The following TRRAP variants were observed in gnomAD, a reference collection of about 807,000 sequenced individuals.
TRRAP encodes transformation/transcription domain associated protein.
Under a neutral mutation model 438.8 loss-of-function variants are expected in TRRAP, and 41 were observed. The ratio of observed to expected loss-of-function variants is 0.09; its 90% CI spans 0.07 to 0.12. The LOEUF (loss-of-function observed/expected upper bound fraction) is 0.12, where lower values mean the gene tolerates loss of function less well. Ranked by LOEUF, TRRAP falls within the 10% of genes least tolerant of loss-of-function variation. The probability of loss-of-function intolerance (pLI) is 1.00; values close to 1 mark genes in which losing one functional copy is unlikely to be tolerated. For synonymous variants in TRRAP, 1,994 were observed against 1,962.9 expected, an observed-to-expected ratio of 1.02 and a Z score of -0.42; for missense variants, 3,122 against 5,055.1, an observed-to-expected ratio of 0.62 and a Z score of 11.60.
chr7:98,998,628 G>A, intron 67 of TRRAP: 1 of 158,360 alleles, frequency 6.3e-6, no homozygotes. Context: ...CGAAATGTTT[G>A]TAAGGGGTTG....
In TRRAP at chr7:98,910,329, C is replaced by T; in HGVS notation, c.1624C>T (p.Gln542Ter). The T allele has an allele frequency of 6.2e-7, 1 of 1,610,600 alleles. No individual in the cohort carries two copies. The highest frequency in any genetic ancestry group is 8.5e-7 in the Non-Finnish European group (1 of 1,179,874). Residue 542 changes from glutamine to a stop codon, truncating the protein, a stop_gained, in exon 15 of 73, where the codon CAA becomes TAA. Coordinates refer to ENST00000456197, the MANE Select transcript of TRRAP (RefSeq NM_001375524.1). LOFTEE classifies it high-confidence loss of function. ...GGACAAGGAAGACAAGCAGACATTC[C>T]AAGTCACAGACTGTCGAAGTTTGGT... Reference protein sequence around the residue: ...EKDKEDKQTFQVTDCRSLVKT... With the variant: ...EKDKEDKQTF
intron 67 of TRRAP, among the ~76,000 whole-genome samples, chr7:99,001,387 G>A (rs969141206): frequency 3.9e-5 from 6 of 152,194 alleles, no homozygotes; most frequent in African/African-American, 7.2e-5. Context: ...TTCTGAGAAC[G>A]GAAGAGTCCG....
intron 53 of TRRAP, among the ~76,000 whole-genome samples, chr7:98,975,634 T>G (rs1461021283): frequency 6.6e-6 from 1 of 152,268 alleles, no homozygotes; most frequent in Non-Finnish European, 1.5e-5. Flanking sequence ...CTGTTCTGTT[T>G]CAGTCCGTCT....
chr7:98,946,898 T>C (rs1397507721), intron 33 of TRRAP, among the ~76,000 whole-genome samples: 2 of 152,242 alleles, frequency 1.3e-5, no homozygotes, highest in Non-Finnish European at 2.9e-5. Context: ...AATTTCAGGA[T>C]AGAACTTACT....
chr7:98,985,433 C>G (rs1182139823), intron 62 of TRRAP, among the ~76,000 whole-genome samples: 1 of 152,236 alleles, frequency 6.6e-6, no homozygotes, highest in Non-Finnish European at 1.5e-5. Flanking sequence ...CTGTTTTTGT[C>G]AGTGAAGTGA....
chr7:98,973,487 C>T (rs1372458519), intron 53 of TRRAP, among the ~76,000 whole-genome samples: 4 of 152,174 alleles, frequency 2.6e-5, no homozygotes, highest in African/African-American at 4.8e-5. Flanking sequence ...TTTTACTCAA[C>T]AATATTTTTG....
chr7:98,968,916 C>G (rs989399552), intron 51 of TRRAP, among the ~76,000 whole-genome samples: 5 of 152,196 alleles, frequency 3.3e-5, no homozygotes, highest in African/African-American at 1.2e-4. Context: ...GGCACTGGGT[C>G]AGGTGCTAAA....
intron 62 of TRRAP, among the ~76,000 whole-genome samples, chr7:98,985,556 G>C (rs1584393828): frequency 6.6e-6 from 1 of 152,234 alleles, no homozygotes; most frequent in Non-Finnish European, 1.5e-5. Flanking sequence ...ACCATTTGCT[G>C]TCTAGCCCAT....
Position 98,967,717 on chromosome 7 carries a change from C to T in TRRAP, c.7512+19C>T, listed in dbSNP as rs376071467. Reference sequence around the variant, plus strand: ...CATTGAGGTAGGAAGACTCGGCTCACATCTGTGGCCGGGGGCAGCTGTGGG... The same window carrying T: ...CATTGAGGTAGGAAGACTCGGCTCATATCTGTGGCCGGGGGCAGCTGTGGG... On this transcript the variant is annotated intron_variant, in intron 51 of 72. Coordinates refer to ENST00000456197, the MANE Select transcript of TRRAP (RefSeq NM_001375524.1). 4.4e-6 allele frequency: 7 copies of T among 1,604,972 alleles called. No individual in the cohort carries two copies. The African/African-American group carries it at 9.4e-5, about 21-fold the overall frequency.
Position 98,978,350 on chromosome 7 carries a change from T to C in TRRAP, c.8498+27T>C, listed in dbSNP as rs113144761. 2.3e-5 allele frequency: 36 copies of C among 1,575,112 alleles called. No homozygotes were observed. The African/African-American group carries it at 3.1e-4, about 14-fold the overall frequency. The stretch of plus-strand genomic sequence containing the variant: ...TAAGCCAAACACAGTGCTTGACGTG[T>C]GCATGAATCAGTTAAGGGAACCAGG... On this transcript the variant is annotated intron_variant, in intron 57 of 72. Coordinates refer to ENST00000456197, the MANE Select transcript of TRRAP (RefSeq NM_001375524.1).
chr7:98,961,166 A>G, intron 45 of TRRAP, 95 bp from the exon 46 acceptor site: 1 of 1,138,418 alleles, frequency 8.8e-7, no homozygotes, highest in Admixed American at 1.8e-5. Flanking sequence ...CCAAATAATT[A>G]ATCCAGTGCT....
intron 56 of TRRAP, among the ~76,000 whole-genome samples, chr7:98,977,420 A>AAGTGCTAGGATTAC (rs1419485474): frequency 6.6e-6 from 1 of 152,178 alleles, no homozygotes; most frequent in Non-Finnish European, 1.5e-5. Context: ...CGGCCTCCCA[A>AAGTGCTAGGATTAC]AGTGCTAGGA....
In TRRAP at chr7:98,926,271, A is replaced by C. The variant is rs191968829; in HGVS notation, c.2976-896A>C. Among the ~76,000 whole-genome samples, 183 of 152,338 alleles carry C rather than the reference A, an allele frequency of 1.2e-3. 4 individuals carry two copies. Among genetic ancestry groups the C allele is most frequent in the Admixed American group, 6.7e-3 (102 of 15,298 alleles). On this transcript the variant is annotated intron_variant, in intron 22 of 72. Transcript: ENST00000456197. ...CTGATGAAAAAATTAAACAGTGTGC[A>C]GATCCGAGATGTTGAGTGAATCCAA...
chr7:99,010,190 C>T (rs1301855678), intron 70 of TRRAP, among the ~76,000 whole-genome samples: 1 of 152,112 alleles, frequency 6.6e-6, no homozygotes, highest in Non-Finnish European at 1.5e-5. Flanking sequence ...CCAGCCCAGG[C>T]TTTTTTGTTT....
In TRRAP at chr7:99,007,240, G is replaced by A. The variant is rs117185856; in HGVS notation, c.10754-1137G>A. Among the ~76,000 whole-genome samples, 1,211 of 152,334 alleles carry A rather than the reference G, an allele frequency of 7.9e-3. 5 individuals are homozygous for A. Among genetic ancestry groups the A allele is most frequent in the South Asian group, 0.016 (79 of 4,830 alleles). On this transcript the variant is annotated intron_variant, in intron 69 of 72. Coordinates refer to ENST00000456197, the MANE Select transcript of TRRAP (RefSeq NM_001375524.1). ...AGCCGTCCTAGGTGCTGAAAGACAA[G>A]TTTGCATCATTAGACAGCAGCTGTC... is the stretch of plus-strand genomic sequence containing the variant.
At chr7:99,007,361 T>C (rs757004413) in intron 69 of TRRAP, among the ~76,000 whole-genome samples, 2 of 152,236 alleles carry the variant, frequency 1.3e-5, no homozygotes, top group Non-Finnish European at 2.9e-5. Context: ...TTATTTTTAG[T>C]TTTTTGAGAC....
chr7:98,932,141 A>C (rs928260016), intron 26 of TRRAP, among the ~76,000 whole-genome samples: 1 of 150,784 alleles, frequency 6.6e-6, no homozygotes, highest in African/African-American at 2.4e-5. Context: ...TTTGAGACAG[A>C]GTCTCGCTGT....
intron 11 of TRRAP, 42 bp downstream of exon 11, chr7:98,900,762 T>C: frequency 6.5e-7 from 1 of 1,536,148 alleles, no homozygotes; most frequent in Non-Finnish European, 8.9e-7. Flanking sequence ...TGAGATAGTT[T>C]ACATACAATA....
At chr7:98,945,584 T>G (rs1261028260) in intron 31 of TRRAP, among the ~76,000 whole-genome samples, 163 bp from the exon 32 acceptor site, 1 of 152,224 alleles carries the variant, frequency 6.6e-6, no homozygotes, top group Non-Finnish European at 1.5e-5. Flanking sequence ...GGTGAAAGTG[T>G]GCTTTTTGCT....
Sources: gnomAD v4.1 joint callset for allele counts (sites outside exome capture counted in the v4.1 genomes callset) on GRCh38, gnomAD v4.1.1 for gene constraint, MANE v1.5 for transcripts, NCBI Gene and HGNC (gene_info 2026-07-23, HGNC 2026-07-21) for gene names.